Variants in MAGI2 observed in about 807,000 individuals in gnomAD.
The protein encoded by MAGI2 is membrane-associated guanylate kinase, WW and PDZ domain-containing protein 2.
Under a neutral mutation model 133.3 loss-of-function variants are expected in MAGI2, and 35 were observed. The observed-to-expected ratio is 0.26, with a 90% CI of 0.20 to 0.35. The LOEUF (loss-of-function observed/expected upper bound fraction) is 0.35, where lower values mean the gene tolerates loss of function less well. Among genes scored for constraint, MAGI2 ranks in the 10% least tolerant of loss-of-function variants. The pLI is 1.00. For missense variants in MAGI2, 1,636 were observed against 1,863.4 expected, an observed-to-expected ratio of 0.88 and a Z score of 2.25; for synonymous variants, 729 against 710.6, an observed-to-expected ratio of 1.03 and a Z score of -0.41.
chr7:78,573,336 A>T (rs1287758503), intron 3 of MAGI2, among the ~76,000 whole-genome samples: 8 of 72,470 alleles, frequency 1.1e-4, no homozygotes, highest in African/African-American at 5.2e-4. Flanking sequence ...ATATATAAAT[A>T]TATATATATA....
At chr7:78,127,510 A>G in intron 18 of MAGI2, 94 bp from the exon 19 acceptor site, 3 of 832,834 alleles carry the variant, frequency 3.6e-6, no homozygotes, top group South Asian at 1.5e-5. Context: ...CAGCCATGAC[A>G]GCTCACACAA....
At chr7:78,482,053 A>C (rs1202206613) in intron 6 of MAGI2, among the ~76,000 whole-genome samples, 1 of 151,968 alleles carries the variant, frequency 6.6e-6, no homozygotes, top group Non-Finnish European at 1.5e-5. Flanking sequence ...AGGAACTTTC[A>C]AAACTGAGTT....
chr7:78,031,954 A>T (rs1448243948), intron 21 of MAGI2, among the ~76,000 whole-genome samples: 1 of 151,388 alleles, frequency 6.6e-6, no homozygotes, highest in East Asian at 2.0e-4. Flanking sequence ...AGGCCTCATA[A>T]GTGATGTGCA....
chr7:78,876,321 C>CAA (rs57950337), intron 2 of MAGI2, among the ~76,000 whole-genome samples: 11 of 79,666 alleles, frequency 1.4e-4, no homozygotes, highest in South Asian at 9.7e-4. Flanking sequence ...GACTCCGTCT[C>CAA]AAAAAAAAAA....
chr7:79,014,499 C>A, intron 1 of MAGI2, among the ~76,000 whole-genome samples: 1 of 152,158 alleles, frequency 6.6e-6, no homozygotes, highest in East Asian at 1.9e-4. Flanking sequence ...CTATTAGTTT[C>A]TTTAATTACC....
intron 2 of MAGI2, among the ~76,000 whole-genome samples, chr7:78,823,368 G>A (rs886125344): frequency 3.3e-5 from 5 of 152,062 alleles, no homozygotes; most frequent in African/African-American, 1.2e-4. Context: ...TGGATCACGA[G>A]GTCAGGAGAT....
chr7:79,402,588 A>C (rs1296487027), intron 1 of MAGI2, among the ~76,000 whole-genome samples: 1 of 152,166 alleles, frequency 6.6e-6, no homozygotes. Context: ...GTATCCTCTA[A>C]GTCCGGTGTT....
intron 1 of MAGI2, among the ~76,000 whole-genome samples, chr7:79,208,337 CA>C (rs1247156236): frequency 6.6e-6 from 1 of 151,698 alleles, no homozygotes; most frequent in African/African-American, 2.4e-5. Flanking sequence ...AACTCAACAG[CA>C]AGAAAAGAAA....
intron 20 of MAGI2, among the ~76,000 whole-genome samples, chr7:78,084,228 G>T (rs1340625620): frequency 1.3e-5 from 2 of 152,162 alleles, no homozygotes; most frequent in Non-Finnish European, 2.9e-5. Flanking sequence ...CTTATTTCAT[G>T]ATGGACTTAG....
intron 1 of MAGI2, among the ~76,000 whole-genome samples, chr7:79,018,517 C>A (rs1390226440): frequency 6.6e-6 from 1 of 152,096 alleles, no homozygotes; most frequent in Non-Finnish European, 1.5e-5. Context: ...AGCTAACAAC[C>A]TGATGACAGG....
At chr7:78,065,825 C>T (rs1813747826) in intron 21 of MAGI2, among the ~76,000 whole-genome samples, 1 of 152,088 alleles carries the variant, frequency 6.6e-6, no homozygotes, top group Non-Finnish European at 1.5e-5. Context: ...TAAAGCTAAC[C>T]CTATCAAGCA....
At chr7:79,406,713 C>T (rs927635923) in intron 1 of MAGI2, among the ~76,000 whole-genome samples, 1 of 152,028 alleles carries the variant, frequency 6.6e-6, no homozygotes, top group Non-Finnish European at 1.5e-5. Context: ...TTTATCTTCC[C>T]TTGTTCAACA....
chr7:78,907,107 C>T lies in MAGI2; in HGVS notation c.418+99983G>A, dbSNP rs141955019. Among the ~76,000 whole-genome samples, 729 of 152,182 alleles carry T rather than the reference C, an allele frequency of 4.8e-3. 5 individuals are homozygous for T. Among genetic ancestry groups the T allele is most frequent in the African/African-American group, 0.017 (689 of 41,502 alleles). On this transcript the variant is annotated intron_variant, in intron 2 of 21. Coordinates refer to ENST00000354212, the MANE Select transcript of MAGI2 (RefSeq NM_012301.4). ...GGGTGAAATAGTGGGTGGGAGGAGG[C>T]TACTGCAAACTACTGAAGACAGGGA...
rs112845246 is a variant in MAGI2 at position 78,715,388 on chromosome 7, T to G, written c.419-88149A>C. 5.5e-3 allele frequency among the ~76,000 whole-genome samples: 839 copies of G among 152,346 alleles called. 4 individuals carry two copies. Among genetic ancestry groups the G allele is most frequent in the Non-Finnish European group, 7.3e-3 (495 of 68,016 alleles). ...AACTCTACCTGCAAGGAGGTATATT[T>G]TTAAAGTTTCCTTGGTTTTATCATT... On this transcript the variant is annotated intron_variant, in intron 2 of 21. Coordinates refer to ENST00000354212, the MANE Select transcript of MAGI2 (RefSeq NM_012301.4).
chr7:79,191,402 CTTTTTTTTTTTTTTTTTTTTT>C (rs71095386), intron 1 of MAGI2, among the ~76,000 whole-genome samples: 2 of 22,344 alleles, frequency 9.0e-5, no homozygotes, highest in Non-Finnish European at 1.9e-4. Flanking sequence ...CTTTTTCTTT[CTTTTTTTTTTTTTTTTTTTTT>C]TTTTTTTTTT....
rs183872644 is a variant in MAGI2 at position 78,631,712 on chromosome 7, C to T, written c.419-4473G>A. ...AAGAATTTTCTGTTTCTGTACTACC[C>T]TCCTTTCTGGCTCGTCATGTGTCAT... is the stretch of plus-strand genomic sequence containing the variant. On this transcript the variant is annotated intron_variant, in intron 2 of 21. Transcript: ENST00000354212. Among the ~76,000 whole-genome samples, 10 of 152,310 alleles carry T rather than the reference C, an allele frequency of 6.6e-5. No individual in the cohort carries two copies. In the East Asian group the frequency reaches 1.9e-3, roughly 29 times the overall value.
chr7:79,379,553 G>A (rs1408911180), intron 1 of MAGI2, among the ~76,000 whole-genome samples: 1 of 151,894 alleles, frequency 6.6e-6, no homozygotes, highest in Non-Finnish European at 1.5e-5. Flanking sequence ...TTCCACAATG[G>A]TTGAACTAGT....
chr7:78,346,965 T>A (rs760407483), intron 7 of MAGI2, among the ~76,000 whole-genome samples: 13 of 152,178 alleles, frequency 8.5e-5, no homozygotes, highest in Non-Finnish European at 1.8e-4. Flanking sequence ...CTATGTATAG[T>A]TTTCCTCAGT....
rs1311067336 is a variant in MAGI2, at chr7:79,023,390, C to A, written c.302-16184G>T. 2.0e-5 allele frequency among the ~76,000 whole-genome samples: 3 copies of A among 152,054 alleles called. No individual in the cohort carries two copies. The East Asian group carries it at 5.8e-4, about 29-fold the overall frequency. On this transcript the variant is annotated intron_variant, in intron 1 of 21. Coordinates refer to ENST00000354212, the MANE Select transcript of MAGI2 (RefSeq NM_012301.4). ...CACAGCCAACATCATAATGAATGGG[C>A]AAAAGCTGGAAGAATTCTCCTTGAA...
Sources: gnomAD v4.1 joint callset for allele counts (sites outside exome capture counted in the v4.1 genomes callset) on GRCh38, gnomAD v4.1.1 for gene constraint, MANE v1.5 for transcripts, NCBI Gene and HGNC (gene_info 2026-07-23, HGNC 2026-07-21) for gene names.